Variants in TIFAB observed in about 807,000 individuals in gnomAD.
TIFAB encodes the protein TIFA inhibitor, also known as TRAF-interacting protein with FHA domain-containing protein B.
For missense variants in TIFAB, 222 were observed against 203.6 expected (o/e 1.09, Z -0.55); for synonymous variants, 116 against 95.2 (o/e 1.22, Z -1.27).
At position 135,449,889 on chromosome 5, in the gene TIFAB, C is replaced by T; in HGVS notation, c.51G>A (p.Leu17=). 1 of 1,567,104 alleles carries T rather than the reference C, an allele frequency of 6.4e-7. No homozygotes were observed. Among genetic ancestry groups the T allele is most frequent in the South Asian group, 1.2e-5 (1 of 82,874 alleles). ...GGACATTGGCAAAGGCAGATGGGCC[C>T]AGCGTGGGATGGTACAGGCTCACTC... The part of the protein sequence containing the change: ...VLRVSLYHPT[L]GPSAFANVPP... Residue 17 remains leucine, a synonymous_variant, in exon 2 of 2, where the codon CTG becomes CTA. Coordinates refer to ENST00000537858, the MANE Select transcript of TIFAB (RefSeq NM_001099221.2).
chr5:135,446,791 G>A lies in TIFAB; in HGVS notation c.*2663C>T. The A allele has an allele frequency of 6.2e-7, 1 of 1,613,954 alleles. No homozygotes were observed. The highest frequency in any genetic ancestry group is 8.5e-7 in the Non-Finnish European group (1 of 1,179,848). ...TATGCAGTTCATCCTGGGTCCCTGA[G>A]GGCCTCGCAGATGCTTCACTCGAAA... On this transcript the variant is annotated 3_prime_UTR_variant, in exon 2 of 2. Transcript: ENST00000537858.
rs1383738637 is a variant in TIFAB, at chr5:135,446,341, T to C, written c.*3113A>G. 1 of 1,563,770 alleles carries C rather than the reference T, an allele frequency of 6.4e-7. No individual in the cohort carries two copies. The highest frequency in any genetic ancestry group is 8.7e-7 in the Non-Finnish European group (1 of 1,152,886). On this transcript the variant is annotated 3_prime_UTR_variant, in exon 2 of 2. Coordinates refer to ENST00000537858, the MANE Select transcript of TIFAB (RefSeq NM_001099221.2). ...TATGTTCGTGTTTAGTGTATGTCTG[T>C]GCATACTTGCGTGTGTGCACACGCA...
chr5:135,451,400 C>T (rs1769360129), intron 1 of TIFAB, among the ~76,000 whole-genome samples: 1 of 152,128 alleles, frequency 6.6e-6, no homozygotes, highest in South Asian at 2.1e-4. Flanking sequence ...CTGAGGGCAC[C>T]CCCTTTCCCC....
In TIFAB at chr5:135,446,872, C is replaced by T. The variant is rs780304441; in HGVS notation, c.*2582G>A. 2 of 1,613,840 alleles carry T rather than the reference C, an allele frequency of 1.2e-6. No individual in the cohort carries two copies. Among genetic ancestry groups the T allele is most frequent in the Admixed American group, 3.3e-5 (2 of 60,018 alleles). ...ATTGAACTGCCCCCTCTCGCAGGAC[C>T]CCAGCTGGCAAGGTTTTGTTCCTCC... On this transcript the variant is annotated 3_prime_UTR_variant, in exon 2 of 2. Transcript: ENST00000537858.
In TIFAB at chr5:135,445,391, G is replaced by A. The variant is rs10061623; in HGVS notation, c.*4063C>T. 0.29 allele frequency: 43,499 copies of A among 152,324 alleles called. 6,635 individuals are homozygous for A. Among genetic ancestry groups the A allele is most frequent in the African/African-American group, 0.38 (15,789 of 41,458 alleles). The allele number at this position is 152,324 out of a possible 1,614,324, so 9.4% of individuals were successfully genotyped here. On this transcript the variant is annotated 3_prime_UTR_variant, in exon 2 of 2. Coordinates refer to ENST00000537858, the MANE Select transcript of TIFAB (RefSeq NM_001099221.2). Reference sequence around the variant, plus strand: ...CTGTCCCTGCTGAGGCCTACAGGAGGCAGAGACATTCACCTCCACTTCCTG... The same window carrying A: ...CTGTCCCTGCTGAGGCCTACAGGAGACAGAGACATTCACCTCCACTTCCTG...
chr5:135,447,174 G>A lies in TIFAB; in HGVS notation c.*2280C>T. The A allele has an allele frequency of 1.2e-6, 2 of 1,601,842 alleles. No homozygotes were observed. Among genetic ancestry groups the A allele is most frequent in the South Asian group, 1.1e-5 (1 of 90,142 alleles). ...TTTTCATCAGACCAAAATACATGTG[G>A]CTTCTTCTCCTTGCCAGCCCTACCA... On this transcript the variant is annotated 3_prime_UTR_variant, in exon 2 of 2. Coordinates refer to ENST00000537858, the MANE Select transcript of TIFAB (RefSeq NM_001099221.2).
intron 1 of TIFAB, among the ~76,000 whole-genome samples, chr5:135,451,799 G>C (rs1471506773): frequency 6.6e-6 from 1 of 152,192 alleles, no homozygotes; most frequent in Non-Finnish European, 1.5e-5. Context: ...GCCTTTTCTC[G>C]AGGTATGCGT....
rs1376084162 is a variant in TIFAB, at chr5:135,445,827, T to C, written c.*3627A>G. On this transcript the variant is annotated 3_prime_UTR_variant, in exon 2 of 2. Transcript: ENST00000537858. ...GCAAGTCTCCCTCGAGGGGAGCCCG[T>C]GTCTCTCACGGACAGCTTGGCAAGA... is the stretch of plus-strand genomic sequence containing the variant. The C allele has an allele frequency of 6.5e-6, 1 of 152,930 alleles. No individual in the cohort carries two copies. Among genetic ancestry groups the C allele is most frequent in the Non-Finnish European group, 1.5e-5 (1 of 68,670 alleles). The allele number at this position is 152,930 out of a possible 1,614,324, so 9.5% of individuals were successfully genotyped here. A position where few individuals can be genotyped will look rare whatever the true frequency, so the allele number is the denominator to read the frequency against.
chr5:135,447,063 C>T lies in TIFAB; in HGVS notation c.*2391G>A, dbSNP rs776444514. 32 of 1,613,888 alleles carry T rather than the reference C, an allele frequency of 2.0e-5. No individual in the cohort carries two copies. Among genetic ancestry groups the T allele is most frequent in the South Asian group, 1.6e-4 (15 of 91,086 alleles). On this transcript the variant is annotated 3_prime_UTR_variant, in exon 2 of 2. Coordinates refer to ENST00000537858, the MANE Select transcript of TIFAB (RefSeq NM_001099221.2). ...TGGTGTCCAGGTACAGTCTCCAGGC[C>T]GTGGCTTCTCGAGTTCTGTATGTGG...
rs576413956 is a variant in TIFAB, at chr5:135,451,491, T to TC, written c.-11+717_-11+718insG. 3.2e-3 allele frequency among the ~76,000 whole-genome samples: 486 copies of TC among 151,282 alleles called. 2 individuals carry two copies. Among genetic ancestry groups the TC allele is most frequent in the African/African-American group, 0.011 (456 of 41,224 alleles). ...GAAAGCCTTTCTTTTTTTTCTTTTT[T>TC]TTTTTTTTCTGAGATGGAGTCTCAC... is the stretch of plus-strand genomic sequence containing the variant. On this transcript the variant is annotated intron_variant, in intron 1 of 1. Coordinates refer to ENST00000537858, the MANE Select transcript of TIFAB (RefSeq NM_001099221.2).
At position 135,449,640 on chromosome 5, in the gene TIFAB, G is replaced by A; in HGVS notation, c.300C>T (p.Ser100=). The change falls in exon 2 of 2, where the codon AGC becomes AGT. Residue 100 remains serine, a synonymous_variant. Coordinates refer to ENST00000537858, the MANE Select transcript of TIFAB (RefSeq NM_001099221.2). ...CTGAGAAGGAGACCCTGTTGACGGT[G>A]CTCAGGGGGACCTGCTCCAGGTACC... ...TLRYLEQVPL[S]TVNRVSFSGI... 6.2e-7 allele frequency: 1 copy of A among 1,614,218 alleles called. No homozygotes were observed. Among genetic ancestry groups the A allele is most frequent in the African/African-American group, 1.3e-5 (1 of 75,070 alleles).
At position 135,449,141 on chromosome 5, in the gene TIFAB, C is replaced by T. The variant is rs1769322698; in HGVS notation, c.*313G>A. The T allele has an allele frequency of 2.6e-6, 1 of 387,696 alleles. No individual in the cohort carries two copies. The highest frequency in any genetic ancestry group is 4.8e-6 in the Non-Finnish European group (1 of 207,774). 24.0% of individuals were successfully genotyped at this position (387,696 alleles called of 1,614,324 possible). On this transcript the variant is annotated 3_prime_UTR_variant, in exon 2 of 2. Transcript: ENST00000537858. ...GGGCCTCTAAAAGTATATGATGTTC[C>T]CATTACATTGCATAGCTCTGGCCAC... is the stretch of plus-strand genomic sequence containing the variant.
intron 1 of TIFAB, among the ~76,000 whole-genome samples, chr5:135,450,927 A>G (rs1056906147): frequency 2.0e-5 from 3 of 152,126 alleles, no homozygotes; most frequent in Non-Finnish European, 2.9e-5. Flanking sequence ...GACTCCCACA[A>G]CAGGGGGAAT....
chr5:135,445,410 C>T lies in TIFAB; in HGVS notation c.*4044G>A, dbSNP rs2150031538. On this transcript the variant is annotated 3_prime_UTR_variant, in exon 2 of 2. Transcript: ENST00000537858. ...CAGGAGGCAGAGACATTCACCTCCA[C>T]TTCCTGTCTGCCCATGGCTTCGCGG... 6.5e-6 allele frequency: 1 copy of T among 152,840 alleles called. No individual in the cohort carries two copies. The highest frequency in any genetic ancestry group is 2.1e-4 in the South Asian group (1 of 4,830). The allele number at this position is 152,840 out of a possible 1,614,324, so 9.5% of individuals were successfully genotyped here. A position where few individuals can be genotyped will look rare whatever the true frequency, so the allele number is the denominator to read the frequency against.
At position 135,445,444 on chromosome 5, in the gene TIFAB, C is replaced by G. The variant is rs1350093977; in HGVS notation, c.*4010G>C. The G allele has an allele frequency of 6.5e-6, 1 of 152,750 alleles. No homozygotes were observed. Among genetic ancestry groups the G allele is most frequent in the African/African-American group, 2.4e-5 (1 of 41,456 alleles). The allele number at this position is 152,750 out of a possible 1,614,324, so 9.5% of individuals were successfully genotyped here. ...TGCCCATGGCTTCGCGGCCTTCTCACCCCAGCTGGCCAACTGGCTTCCCAC... is the reference window on the plus strand; with the variant it reads ...TGCCCATGGCTTCGCGGCCTTCTCAGCCCAGCTGGCCAACTGGCTTCCCAC... On this transcript the variant is annotated 3_prime_UTR_variant, in exon 2 of 2. Transcript: ENST00000537858.
chr5:135,446,136 C>A lies in TIFAB; in HGVS notation c.*3318G>T, dbSNP rs1580654042. 1 of 461,900 alleles carries A rather than the reference C, an allele frequency of 2.2e-6. No homozygotes were observed. The highest frequency in any genetic ancestry group is 4.0e-5 in the East Asian group (1 of 25,260). The allele number at this position is 461,900 out of a possible 1,614,324, so 28.6% of individuals were successfully genotyped here. On this transcript the variant is annotated 3_prime_UTR_variant, in exon 2 of 2. Transcript: ENST00000537858. ...CCTCAAACTGACCTTCACAATGACT[C>A]TAAGGAGGTAAGTACTGTGAACTTT... is the stretch of plus-strand genomic sequence containing the variant.
intron 1 of TIFAB, among the ~76,000 whole-genome samples, chr5:135,451,680 C>T (rs549456656): frequency 3.0e-4 from 45 of 152,176 alleles, no homozygotes; most frequent in African/African-American, 8.9e-4. Context: ...GACGGGGTTT[C>T]GCCATGTTGG....
In TIFAB at chr5:135,444,884, A is replaced by C. The variant is rs535318473; in HGVS notation, c.*4570T>G. On this transcript the variant is annotated 3_prime_UTR_variant, in exon 2 of 2. Transcript: ENST00000537858. ...TAAAGCCACCCATCCTATGAAACTC[A>C]CTCCTTTGGGTTAAGCATCACGTTC... 1 of 151,742 alleles carries C rather than the reference A, an allele frequency of 6.6e-6. No individual in the cohort carries two copies. The highest frequency in any genetic ancestry group is 2.1e-4 in the South Asian group (1 of 4,782). 9.4% of individuals were successfully genotyped at this position (151,742 alleles called of 1,614,324 possible). A position where few individuals can be genotyped will look rare whatever the true frequency, so the allele number is the denominator to read the frequency against.
At chr5:135,451,815 GC>G (rs1769367066) in intron 1 of TIFAB, among the ~76,000 whole-genome samples, 1 of 152,204 alleles carries the variant, frequency 6.6e-6, no homozygotes, top group Non-Finnish European at 1.5e-5. Context: ...TGCGTTACAG[GC>G]TGAGCCCAGG....
Sources: allele counts gnomAD v4.1 joint callset (sites outside exome capture counted in the v4.1 genomes callset), GRCh38; gene constraint gnomAD v4.1.1; transcripts MANE v1.5; gene names NCBI Gene and HGNC (gene_info 2026-07-23, HGNC 2026-07-21).